The following CATSPER3 variants were observed in gnomAD, a reference collection of about 807,000 sequenced individuals.
CATSPER3 encodes cation channel sperm associated 3.
Under a neutral mutation model 36.6 loss-of-function variants are expected in CATSPER3, and 23 were observed. The ratio of observed to expected loss-of-function variants is 0.63; its 90% CI spans 0.45 to 0.89. The LOEUF is 0.89. Among genes scored for constraint, CATSPER3 ranks in the 40% least tolerant of loss-of-function variants. The pLI is 0.00. For missense variants in CATSPER3, 474 were observed against 503.9 expected, an observed-to-expected ratio of 0.94 and a Z score of 0.57; for synonymous variants, 172 against 184.1, an observed-to-expected ratio of 0.93 and a Z score of 0.53.
intron 2 of CATSPER3, among the ~76,000 whole-genome samples, chr5:134,988,705 A>C (rs769613978): frequency 6.6e-6 from 1 of 152,122 alleles, no homozygotes; most frequent in Non-Finnish European, 1.5e-5. Context: ...CAACATCTGC[A>C]ATTACTTCCT....
intron 2 of CATSPER3, among the ~76,000 whole-genome samples, chr5:134,988,688 A>G (rs1226231048): frequency 1.3e-5 from 2 of 152,118 alleles, no homozygotes; most frequent in African/African-American, 2.4e-5. Flanking sequence ...TTCACTTGCT[A>G]TTTCCACAAC....
chr5:135,006,853 ATAAT>A (rs1752095367), intron 3 of CATSPER3, among the ~76,000 whole-genome samples: 3 of 138,844 alleles, frequency 2.2e-5, no homozygotes, highest in African/African-American at 8.2e-5. Context: ...AAAAAAAATA[ATAAT>A]AATAATAATA....
At chr5:134,974,521 G>A (rs1751645129) in intron 2 of CATSPER3, among the ~76,000 whole-genome samples, 1 of 152,084 alleles carries the variant, frequency 6.6e-6, no homozygotes, top group African/African-American at 2.4e-5. Flanking sequence ...CTTGACCTAG[G>A]TGGTAGTTAC....
At chr5:135,009,212 T>C (rs299377) in intron 5 of CATSPER3, among the ~76,000 whole-genome samples, 159 bp from the exon 6 acceptor site, 62,362 of 152,142 alleles carry the variant, frequency 0.41, 14,114 homozygotes, top group African/African-American at 0.59. Context: ...AAGAAGCCTC[T>C]GCAGCTACAG....
intron 3 of CATSPER3, among the ~76,000 whole-genome samples, chr5:134,997,554 GC>G (rs1751965937): frequency 6.6e-6 from 1 of 152,180 alleles, no homozygotes; most frequent in African/African-American, 2.4e-5. Flanking sequence ...GTTGCCAGCA[GC>G]CTCCTTGTCT....
chr5:134,968,564 A>C (rs1751561885), intron 1 of CATSPER3: 2 of 174,566 alleles, frequency 1.1e-5, no homozygotes, highest in Non-Finnish European at 2.4e-5. Context: ...GATGGTGTGC[A>C]CCTGTTGTCC....
chr5:135,010,365 C>T lies in CATSPER3; in HGVS notation c.937-8C>T. On this transcript the variant is annotated splice_region_variant and splice_polypyrimidine_tract_variant and intron_variant, in intron 6 of 7. Coordinates refer to ENST00000282611, the MANE Select transcript of CATSPER3 (RefSeq NM_178019.3). Reference sequence around the variant, plus strand: ...ATCACTGCTCTCTCGTTATGCTTTCCTCTCTAGAAAAATGCTGACTGCACA... The same window carrying T: ...ATCACTGCTCTCTCGTTATGCTTTCTTCTCTAGAAAAATGCTGACTGCACA... 1.2e-6 allele frequency: 2 copies of T among 1,613,668 alleles called. No homozygotes were observed. Among genetic ancestry groups the T allele is most frequent in the Non-Finnish European group, 1.7e-6 (2 of 1,179,566 alleles).
chr5:134,993,232 C>G (rs1341140169), intron 2 of CATSPER3, among the ~76,000 whole-genome samples: 2 of 152,120 alleles, frequency 1.3e-5, no homozygotes, highest in Non-Finnish European at 2.9e-5. Context: ...TATGGTTTCA[C>G]CCATATGAGA....
intron 2 of CATSPER3, among the ~76,000 whole-genome samples, chr5:134,973,086 A>G (rs1459384102): frequency 6.6e-6 from 1 of 152,218 alleles, no homozygotes; most frequent in Non-Finnish European, 1.5e-5. Context: ...CAATATTCAA[A>G]AACTTGGGGA....
intron 2 of CATSPER3, among the ~76,000 whole-genome samples, chr5:134,978,440 C>T (rs1006645875): frequency 6.6e-6 from 1 of 152,010 alleles, no homozygotes; most frequent in Non-Finnish European, 1.5e-5. Flanking sequence ...TATTATATGT[C>T]AATTAAAAAC....
intron 2 of CATSPER3, among the ~76,000 whole-genome samples, chr5:134,992,733 A>AAAC (rs1457241489): frequency 6.6e-6 from 1 of 152,212 alleles, no homozygotes; most frequent in African/African-American, 2.4e-5. Flanking sequence ...CTCAAAAAAC[A>AAAC]AACAACAACA....
chr5:134,995,342 C>G (rs1475344349), intron 2 of CATSPER3, among the ~76,000 whole-genome samples: 1 of 152,042 alleles, frequency 6.6e-6, no homozygotes, highest in Non-Finnish European at 1.5e-5. Context: ...ATGAGATCCA[C>G]TTTTTTAGCT....
chr5:135,008,970 A>G lies in CATSPER3; in HGVS notation c.805A>G (p.Met269Val), dbSNP rs1364501256. 1.2e-6 allele frequency: 2 copies of G among 1,614,044 alleles called. No homozygotes were observed. Among genetic ancestry groups the G allele is most frequent in the Non-Finnish European group, 1.7e-6 (2 of 1,180,008 alleles). Residue 269 changes from methionine (M) to valine (V), a missense_variant, in exon 5 of 8, where the codon ATG becomes GTG. Coordinates refer to ENST00000282611, the MANE Select transcript of CATSPER3 (RefSeq NM_178019.3). ...CAACATGTTCGTGGGTGTGATGATC[A>G]TGCACACAGAGGTGAGGCCACACCT... ...FLNMFVGVMI[M>V]HTEDSIRKFE...
At chr5:135,004,988 G>A (rs1190021916) in intron 3 of CATSPER3, among the ~76,000 whole-genome samples, 1 of 152,100 alleles carries the variant, frequency 6.6e-6, no homozygotes, top group Non-Finnish European at 1.5e-5. Context: ...GGGTGCCAGA[G>A]ACCAGTGGGA....
chr5:134,980,417 CT>C (rs1561458631), intron 2 of CATSPER3, among the ~76,000 whole-genome samples: 1 of 136,568 alleles, frequency 7.3e-6, no homozygotes, highest in African/African-American at 2.7e-5. Context: ...TTCCTCCTTT[CT>C]TTTTTTCTTT....
chr5:135,000,258 C>T (rs1457751802), intron 3 of CATSPER3, among the ~76,000 whole-genome samples: 1 of 152,210 alleles, frequency 6.6e-6, no homozygotes, highest in Non-Finnish European at 1.5e-5. Context: ...CCTTGCATCC[C>T]AGGGATGAAG....
intron 2 of CATSPER3, 35 bp from the exon 3 acceptor site, chr5:134,996,238 C>A: frequency 6.2e-7 from 1 of 1,614,008 alleles, no homozygotes; most frequent in Non-Finnish European, 8.5e-7. Flanking sequence ...CTGTGCAGCT[C>A]GATCTGACTT....
At chr5:134,980,872 A>G (rs1751741879) in intron 2 of CATSPER3, among the ~76,000 whole-genome samples, 1 of 152,098 alleles carries the variant, frequency 6.6e-6, no homozygotes, top group African/African-American at 2.4e-5. Flanking sequence ...GACTACATGC[A>G]TACACCACCA....
chr5:134,983,839 A>G (rs575801023), intron 2 of CATSPER3, among the ~76,000 whole-genome samples: 1 of 152,342 alleles, frequency 6.6e-6, no homozygotes, highest in East Asian at 1.9e-4. Context: ...AAGCAATCCT[A>G]AGCAAAAAGA....
Sources: gnomAD v4.1 joint callset for allele counts (sites outside exome capture counted in the v4.1 genomes callset) on GRCh38, gnomAD v4.1.1 for gene constraint, MANE v1.5 for transcripts, NCBI Gene and HGNC (gene_info 2026-07-23, HGNC 2026-07-21) for gene names.